The following SLC5A10 variants were observed in gnomAD, a reference collection of about 807,000 sequenced individuals.
SLC5A10 encodes the protein sodium/mannose cotransporter SLC5A10.
A neutral mutation model predicts 68.9 loss-of-function variants in SLC5A10; 55 were observed. The ratio of observed to expected loss-of-function variants is 0.80; its 90% CI spans 0.64 to 1.00. The LOEUF is 1.00. Ranked by LOEUF, SLC5A10 falls within the 50% of genes least tolerant of loss-of-function variation. SLC5A10 has a pLI of 0.00. For missense variants in SLC5A10, 732 were observed against 819.3 expected (o/e 0.89, Z 1.30); for synonymous variants, 344 against 344.8 (o/e 1.00, Z 0.02).
In SLC5A10 at chr17:19,017,255, G is replaced by T. The variant is rs1385862283; in HGVS notation, c.1241+2056G>T. ...GGGCCCCGTGCCAGGTGTCAGGCTG[G>T]CCAGCTCAACTTCCCGTCCCTCTTA... On this transcript the variant is annotated intron_variant, in intron 11 of 14. Transcript: ENST00000395645. This position sits in a 1 kb window ranked among gnomAD's most constrained non-coding sequence, Gnocchi z 5.6. 5.8e-6 allele frequency: 9 copies of T among 1,545,460 alleles called. No homozygotes were observed. The highest frequency in any genetic ancestry group is 7.9e-6 in the Non-Finnish European group (9 of 1,141,378).
chr17:18,975,692 T>A (rs1335543786), intron 8 of SLC5A10: 2 of 150,882 alleles, frequency 1.3e-5, no homozygotes, highest in African/African-American at 4.9e-5. Flanking sequence ...TGAAACTCCA[T>A]CTCAAAGAAA....
At position 18,971,473 on chromosome 17, in the gene SLC5A10, T is replaced by C; in HGVS notation, c.846+255T>C. The C allele has an allele frequency of 1.2e-6, 2 of 1,613,976 alleles. No individual in the cohort carries two copies. The highest frequency in any genetic ancestry group is 1.3e-5 in the African/African-American group (1 of 75,020). On this transcript the variant is annotated intron_variant, in intron 8 of 14. Transcript: ENST00000395645. The surrounding 1 kb of genome is among the most constrained non-coding windows in gnomAD (Gnocchi z 5.5). ...GCTTCGACTGAGACAGTTTGGAGTA[T>C]GGGATTCCGAAGGGACTCGGATGCT...
chr17:19,003,557 T>C lies in SLC5A10; in HGVS notation c.983-9853T>C. 6.4e-7 allele frequency: 1 copy of C among 1,562,932 alleles called. No individual in the cohort carries two copies. Among genetic ancestry groups the C allele is most frequent in the East Asian group, 2.3e-5 (1 of 44,252 alleles). ...GCTGATCATCTTCCGCACCACCTCTTTGATGTGGGCCTGCCCGTCTATGGG... is the reference window on the plus strand; with the variant it reads ...GCTGATCATCTTCCGCACCACCTCTCTGATGTGGGCCTGCCCGTCTATGGG... On this transcript the variant is annotated intron_variant, in intron 9 of 14. Coordinates refer to ENST00000395645, the MANE Select transcript of SLC5A10 (RefSeq NM_001042450.4). The surrounding 1 kb of genome is among the most constrained non-coding windows in gnomAD (Gnocchi z 4.5).
chr17:19,015,667 G>C (rs1326191021), intron 11 of SLC5A10, among the ~76,000 whole-genome samples: 1 of 152,076 alleles, frequency 6.6e-6, no homozygotes, highest in African/African-American at 2.4e-5. Context: ...TTTTCACCTC[G>C]ATGACTCATG....
intron 9 of SLC5A10, chr17:18,978,320 A>T: frequency 6.2e-7 from 1 of 1,608,702 alleles, no homozygotes; most frequent in East Asian, 2.2e-5. Context: ...GGTGTCACGG[A>T]TCTTGATGCG....
At chr17:18,976,516 G>GT (rs1244709180) in intron 8 of SLC5A10, 1 of 295,242 alleles carries the variant, frequency 3.4e-6, no homozygotes, top group Non-Finnish European at 6.4e-6. Context: ...GGGTAGGGGT[G>GT]TATGTCCCCA....
chr17:18,983,396 G>A (rs1252395894), intron 9 of SLC5A10, among the ~76,000 whole-genome samples: 1 of 152,246 alleles, frequency 6.6e-6, no homozygotes, highest in South Asian at 2.1e-4. Flanking sequence ...GCCTGTGCTG[G>A]CAGGTTAGCT....
intron 9 of SLC5A10, chr17:18,979,342 C>T (rs1055731528): frequency 1.5e-6 from 1 of 666,378 alleles, no homozygotes; most frequent in Non-Finnish European, 2.5e-6. Context: ...GTGACATCTC[C>T]AAGCTGGAAC....
At chr17:18,967,148 G>A (rs1024970770) in intron 5 of SLC5A10, among the ~76,000 whole-genome samples, 4 of 152,246 alleles carry the variant, frequency 2.6e-5, no homozygotes, top group Non-Finnish European at 4.4e-5. Context: ...TTCCTCACCC[G>A]GGGGCTGCTC....
At chr17:18,955,757 G>A (rs979863537) in intron 1 of SLC5A10, among the ~76,000 whole-genome samples, 1 of 152,226 alleles carries the variant, frequency 6.6e-6, no homozygotes, top group Non-Finnish European at 1.5e-5. Flanking sequence ...GCTGGAGAGA[G>A]GCAGGAGCCA....
chr17:19,022,174 GC>G lies in SLC5A10; in HGVS notation c.*1745del. On this transcript the variant is annotated 3_prime_UTR_variant, in exon 15 of 15. Coordinates refer to ENST00000395645, the MANE Select transcript of SLC5A10 (RefSeq NM_001042450.4). ...AAGAAGAGGAGGTGGTTAGTAGGGT[GC>G]CTTCAGAAGCCCTGCAACCCACCCT... The G allele has an allele frequency of 7.8e-7, 1 of 1,289,014 alleles. No individual in the cohort carries two copies. The highest frequency in any genetic ancestry group is 1.0e-6 in the Non-Finnish European group (1 of 969,416). 79.8% of individuals were successfully genotyped at this position (1,289,014 alleles called of 1,614,324 possible). A position where few individuals can be genotyped will look rare whatever the true frequency, so the allele number is the denominator to read the frequency against.
At chr17:18,976,758 G>A (rs187379476) in intron 8 of SLC5A10, 96 bp from the exon 9 acceptor site, 65 of 1,491,894 alleles carry the variant, frequency 4.4e-5, no homozygotes, top group Non-Finnish European at 5.7e-5. Flanking sequence ...GGACATCATC[G>A]TGCCTCATGC....
At chr17:19,013,675 G>A (rs1365159413) in intron 10 of SLC5A10, among the ~76,000 whole-genome samples, 158 bp downstream of exon 10, 1 of 28,388 alleles carries the variant, frequency 3.5e-5, no homozygotes, top group Non-Finnish European at 9.1e-5. Context: ...GTAAATTGGA[G>A]ATAATGGCAT....
At chr17:19,019,124 AAG>A (rs2044201654) in intron 11 of SLC5A10, 1 of 384,912 alleles carries the variant, frequency 2.6e-6, no homozygotes, top group Non-Finnish European at 4.7e-6. Context: ...AAGGAGAGAC[AAG>A]AGGGAGCTCC....
At chr17:18,952,415 T>A (rs959375409) in intron 1 of SLC5A10, 99 bp downstream of exon 1, 9 of 1,415,754 alleles carry the variant, frequency 6.4e-6, no homozygotes, top group South Asian at 4.1e-5. Flanking sequence ...TCAGCATTGG[T>A]CCCAGCTGGT....
intron 9 of SLC5A10, among the ~76,000 whole-genome samples, chr17:18,995,865 G>A (rs185082801): frequency 1.7e-4 from 25 of 150,420 alleles, no homozygotes; most frequent in South Asian, 4.2e-4. Flanking sequence ...CCAAGATTGC[G>A]CCACTGCACT....
intron 1 of SLC5A10, among the ~76,000 whole-genome samples, chr17:18,956,196 AAAATAAATAAATAAATAAATAAAT>A (rs71155382): frequency 9.0e-5 from 13 of 143,782 alleles, no homozygotes; most frequent in Admixed American, 2.8e-4. Context: ...CTCTGTCTCA[AAAATAAATAAATAAATAAATAAAT>A]AAATAAATAA....
At chr17:18,965,018 C>T (rs1433184212) in intron 5 of SLC5A10, among the ~76,000 whole-genome samples, 1 of 151,662 alleles carries the variant, frequency 6.6e-6, no homozygotes. Context: ...GTGACACACA[C>T]CTGTAATCCC....
intron 1 of SLC5A10, among the ~76,000 whole-genome samples, chr17:18,955,640 T>C (rs1229903585): frequency 6.6e-6 from 1 of 152,268 alleles, no homozygotes; most frequent in Non-Finnish European, 1.5e-5. Flanking sequence ...GTGCACAGCG[T>C]ACACATCTGG....
Sources: gnomAD v4.1 joint callset for allele counts (sites outside exome capture counted in the v4.1 genomes callset) on GRCh38, gnomAD v4.1.1 for gene constraint, Gnocchi (gnomAD v3.1) non-coding constraint, MANE v1.5 for transcripts, NCBI Gene and HGNC (gene_info 2026-07-23, HGNC 2026-07-21) for gene names.